METAP1: variants seen among roughly 807,000 people sequenced by gnomAD.
METAP1 encodes the protein methionyl aminopeptidase 1.
A neutral mutation model predicts 53.8 loss-of-function variants in METAP1; 28 were observed. The observed-to-expected ratio is 0.52, with a 90% CI of 0.39 to 0.71. The LOEUF (loss-of-function observed/expected upper bound fraction) is 0.71. Among genes scored for constraint, METAP1 ranks in the 30% least tolerant of loss-of-function variants. The pLI is 0.00. For missense variants in METAP1, 389 were observed against 479.8 expected (o/e 0.81, Z 1.77); for synonymous variants, 181 against 165.7 (o/e 1.09, Z -0.71).
At chr4:99,011,667 G>A (rs909524072) in intron 1 of METAP1, among the ~76,000 whole-genome samples, 5 of 152,308 alleles carry the variant, frequency 3.3e-5, no homozygotes, top group East Asian at 3.9e-4. Flanking sequence ...TGGGCTGGGC[G>A]TGGTGGCTGA....
At chr4:99,060,155 T>G (rs1213256278) in intron 10 of METAP1, among the ~76,000 whole-genome samples, 2 of 152,116 alleles carry the variant, frequency 1.3e-5, no homozygotes, top group African/African-American at 2.4e-5. Context: ...TCAATATTAT[T>G]AAATACATTC....
intron 1 of METAP1, among the ~76,000 whole-genome samples, chr4:99,006,526 G>A (rs1418668397): frequency 1.3e-5 from 2 of 152,106 alleles, no homozygotes; most frequent in African/African-American, 2.4e-5. Flanking sequence ...CAGAAAACAC[G>A]ACACTGAATC....
At chr4:99,003,941 C>G (rs1275965497) in intron 1 of METAP1, among the ~76,000 whole-genome samples, 3 of 152,222 alleles carry the variant, frequency 2.0e-5, no homozygotes, top group Non-Finnish European at 4.4e-5. Flanking sequence ...TGTTCAGACA[C>G]CAGTCACGAG....
At chr4:99,008,757 G>T (rs1436947144) in intron 1 of METAP1, among the ~76,000 whole-genome samples, 3 of 151,896 alleles carry the variant, frequency 2.0e-5, no homozygotes, top group Non-Finnish European at 4.4e-5. Context: ...ATCAGTGCTT[G>T]GTATGTAGTA....
chr4:99,054,470 TATC>T (rs1726954679), intron 9 of METAP1, among the ~76,000 whole-genome samples: 1 of 152,234 alleles, frequency 6.6e-6, no homozygotes, highest in African/African-American at 2.4e-5. Flanking sequence ...TTGTGTGATC[TATC>T]CAGACCATTC....
At chr4:99,036,720 A>G (rs1440790888) in intron 4 of METAP1, among the ~76,000 whole-genome samples, 5 of 152,074 alleles carry the variant, frequency 3.3e-5, no homozygotes, top group Non-Finnish European at 7.4e-5. Context: ...GGCTTTTACT[A>G]CTGAGTGTTT....
At chr4:99,006,926 G>C (rs540524623) in intron 1 of METAP1, among the ~76,000 whole-genome samples, 4 of 151,714 alleles carry the variant, frequency 2.6e-5, no homozygotes, top group African/African-American at 7.3e-5. Context: ...CTGTAAGCCA[G>C]AAATCAAGCC....
chr4:99,025,710 C>G (rs563141606), intron 1 of METAP1, among the ~76,000 whole-genome samples: 1 of 152,334 alleles, frequency 6.6e-6, no homozygotes, highest in East Asian at 1.9e-4. Flanking sequence ...CTGGTTCAGG[C>G]CATGACTGGA....
chr4:99,045,088 A>G, intron 7 of METAP1, 91 bp from the exon 8 acceptor site: 6 of 1,319,316 alleles, frequency 4.5e-6, no homozygotes, highest in Non-Finnish European at 5.2e-6. Flanking sequence ...TGTCTTTTTC[A>G]TTAAGTTGCT....
rs1724809644 is a variant in METAP1, at chr4:99,029,205, T to A, written c.166+287T>A. Among the ~76,000 whole-genome samples the A allele has an allele frequency of 2.0e-5, 3 of 152,200 alleles. 1 individual carries two copies. The South Asian group carries it at 6.2e-4, about 31-fold the overall frequency. ...ATGATGCTGTCATCTTTTGACACACTGTTATGTTGCTGGAAGTGTTTGCAT... is the reference window on the plus strand; with the variant it reads ...ATGATGCTGTCATCTTTTGACACACAGTTATGTTGCTGGAAGTGTTTGCAT... On this transcript the variant is annotated intron_variant, in intron 2 of 10. Coordinates refer to ENST00000296411, the MANE Select transcript of METAP1 (RefSeq NM_015143.3).
At chr4:99,012,655 T>TG (rs1560697522) in intron 1 of METAP1, among the ~76,000 whole-genome samples, 3 of 141,844 alleles carry the variant, frequency 2.1e-5, no homozygotes, top group African/African-American at 8.7e-5. Flanking sequence ...CCATAAAGTT[T>TG]TTTTTTTTTT....
intron 1 of METAP1, among the ~76,000 whole-genome samples, chr4:98,996,667 G>A (rs1722648897): frequency 6.6e-6 from 1 of 152,116 alleles, no homozygotes; most frequent in Admixed American, 6.6e-5. Context: ...GTGCAGTAGA[G>A]CAAACCCAGC....
At chr4:99,039,191 G>T in intron 4 of METAP1, 183 bp from the exon 5 acceptor site, 1 of 435,122 alleles carries the variant, frequency 2.3e-6, no homozygotes, top group Non-Finnish European at 4.1e-6. Flanking sequence ...TTGGTTTAGC[G>T]AGTTTCCCTT....
At chr4:99,048,589 T>G (rs561810100) in intron 8 of METAP1, 144 bp from the exon 9 acceptor site, 1 of 859,194 alleles carries the variant, frequency 1.2e-6, no homozygotes, top group South Asian at 1.7e-5. Flanking sequence ...AGGCTGGTCT[T>G]GAACTCCTGA....
chr4:99,045,315 G>A lies in METAP1; in HGVS notation c.787+5G>A, dbSNP rs776775282. 16 of 1,613,414 alleles carry A rather than the reference G, an allele frequency of 9.9e-6. No homozygotes were observed. The highest frequency in any genetic ancestry group is 4.4e-5 in the South Asian group (4 of 91,010). On this transcript the variant is annotated splice_donor_5th_base_variant and intron_variant, in intron 8 of 10. Coordinates refer to ENST00000296411, the MANE Select transcript of METAP1 (RefSeq NM_015143.3). ...TGATGCAAGCCATTGATGCAGGTCA[G>A]CCTCAGTGTTGAGCACCTATTGGCA...
intron 7 of METAP1, 122 bp from the exon 8 acceptor site, chr4:99,045,057 C>T (rs1726122644): frequency 1.0e-6 from 1 of 972,126 alleles, no homozygotes; most frequent in Non-Finnish European, 1.5e-6. Context: ...CCATTGGTGT[C>T]TAATTTGAGA....
Position 99,024,257 on chromosome 4 carries a change from C to T in METAP1, c.115-4610C>T, listed in dbSNP as rs565677007. On this transcript the variant is annotated intron_variant, in intron 1 of 10. Transcript: ENST00000296411. ...ATCATGACCCTCTCACGCGGACCCC[C>T]TTAGAGTTGTGAGCCTTTAAAAGAG... Among the ~76,000 whole-genome samples the T allele has an allele frequency of 5.9e-5, 9 of 152,302 alleles. No homozygotes were observed. The South Asian group carries it at 1.9e-3, about 32-fold the overall frequency.
intron 1 of METAP1, among the ~76,000 whole-genome samples, chr4:99,007,702 A>G (rs1203426043): frequency 1.3e-5 from 2 of 152,172 alleles, no homozygotes; most frequent in Non-Finnish European, 2.9e-5. Context: ...GTTTTCAATT[A>G]GGAGCTTTGG....
chr4:99,052,625 G>A (rs1726793255), intron 9 of METAP1, among the ~76,000 whole-genome samples: 1 of 152,170 alleles, frequency 6.6e-6, no homozygotes, highest in Non-Finnish European at 1.5e-5. Flanking sequence ...CTGCGCCCAG[G>A]ATCCAGTCAC....
Sources: gnomAD v4.1 joint callset for allele counts (sites outside exome capture counted in the v4.1 genomes callset) on GRCh38, gnomAD v4.1.1 for gene constraint, MANE v1.5 for transcripts, NCBI Gene and HGNC (gene_info 2026-07-23, HGNC 2026-07-21) for gene names.